Variants in BANK1 observed in about 807,000 individuals in gnomAD.
The protein encoded by BANK1 is B cell scaffold protein with ankyrin repeats 1.
BANK1 carries 95 observed loss-of-function variants against 94.5 expected under a neutral mutation model. That is an observed-to-expected ratio of 1.00 (90% CI 0.85 to 1.19). The LOEUF is 1.19. Among genes scored for constraint, BANK1 ranks in the 50% most tolerant of loss-of-function variants. BANK1 has a pLI of 0.00. For synonymous variants in BANK1, 334 were observed against 308.4 expected (o/e 1.08, Z -0.87); for missense variants, 987 against 932.2 (o/e 1.06, Z -0.77).
chr4:102,063,129 A>T lies in BANK1; in HGVS notation c.2203A>T (p.Asn735Tyr). 4.3e-6 allele frequency: 7 copies of T among 1,612,670 alleles called. No homozygotes were observed. Among genetic ancestry groups the T allele is most frequent in the Non-Finnish European group, 5.9e-6 (7 of 1,178,806 alleles). Residue 735 changes from asparagine (N) to tyrosine (Y), a missense_variant, in exon 13 of 17, where the codon AAT becomes TAT. Physicochemically the swap from Asn to Tyr is moderately radical, Grantham distance 143. Transcript: ENST00000322953. ...CIIGKRPEEE[N>Y]VYNKLTIVHH... ...TATTGGGAAAAGGCCAGAAGAAGAA[A>T]ATGTCTATAGTAAGTAAGATTCGCC...
At chr4:102,063,837 A>C (rs1295689126) in intron 13 of BANK1, among the ~76,000 whole-genome samples, 2 of 151,162 alleles carry the variant, frequency 1.3e-5, no homozygotes, top group Non-Finnish European at 3.0e-5. Context: ...AAAAAAAAAG[A>C]AATGAAATGA....
chr4:101,936,353 A>G (rs1039110845), intron 7 of BANK1, among the ~76,000 whole-genome samples: 14 of 150,190 alleles, frequency 9.3e-5, no homozygotes, highest in African/African-American at 3.4e-4. Context: ...ATATACATGT[A>G]TACATACATG....
intron 1 of BANK1, among the ~76,000 whole-genome samples, chr4:101,826,174 T>C (rs1382428632): frequency 1.3e-5 from 2 of 152,070 alleles, no homozygotes; most frequent in Non-Finnish European, 2.9e-5. Flanking sequence ...CCAGTAAGCC[T>C]TCACATACTG....
intron 7 of BANK1, among the ~76,000 whole-genome samples, chr4:101,951,825 T>A (rs1191852054): frequency 6.6e-6 from 1 of 151,832 alleles, no homozygotes; most frequent in Non-Finnish European, 1.5e-5. Context: ...ATTTTGATTT[T>A]TAGTTTTTAT....
At position 102,030,146 on chromosome 4, in the gene BANK1, A is replaced by G; in HGVS notation, c.1781A>G (p.Asn594Ser). Residue 594 changes from asparagine (N) to serine (S), a missense_variant, in exon 10 of 17, where the codon AAT becomes AGT. Transcript: ENST00000322953. ...DDSEYDMILA[N>S]LSIKKKTGSR... The stretch of plus-strand genomic sequence containing the variant: ...AGTGAATATGACATGATATTGGCCA[A>G]TCTGAGTATAAAGAAAAAAACTGGG... 1 of 1,614,112 alleles carries G rather than the reference A, an allele frequency of 6.2e-7. No individual in the cohort carries two copies. The highest frequency in any genetic ancestry group is 1.3e-5 in the African/African-American group (1 of 75,034).
intron 11 of BANK1, among the ~76,000 whole-genome samples, chr4:102,058,714 AG>A (rs1470516208): frequency 6.6e-6 from 1 of 151,538 alleles, no homozygotes; most frequent in Admixed American, 6.6e-5. Context: ...AAAAAAAAAA[AG>A]GTAAAAGCAG....
chr4:101,851,715 A>G (rs1052079256), intron 2 of BANK1, among the ~76,000 whole-genome samples: 1 of 152,186 alleles, frequency 6.6e-6, no homozygotes, highest in Non-Finnish European at 1.5e-5. Context: ...CCCTTCTCTT[A>G]TCAGTTTTTC....
chr4:101,883,347 AC>A (rs1382319819), intron 5 of BANK1, among the ~76,000 whole-genome samples: 1 of 152,230 alleles, frequency 6.6e-6, no homozygotes, highest in African/African-American at 2.4e-5. Flanking sequence ...ATTTCTGAGT[AC>A]AATTACTTAG....
chr4:102,047,354 G>A (rs914676036), intron 11 of BANK1, among the ~76,000 whole-genome samples: 1 of 152,090 alleles, frequency 6.6e-6, no homozygotes, highest in African/African-American at 2.4e-5. Context: ...TACACTGCTT[G>A]TAAATTTACA....
At chr4:101,874,670 T>A (rs1401926439) in intron 5 of BANK1, among the ~76,000 whole-genome samples, 1 of 152,194 alleles carries the variant, frequency 6.6e-6, no homozygotes, top group African/African-American at 2.4e-5. Context: ...TTTTCCAGAA[T>A]CAACTCCTTT....
chr4:102,015,255 C>A (rs1162103740), intron 7 of BANK1, among the ~76,000 whole-genome samples: 1 of 151,888 alleles, frequency 6.6e-6, no homozygotes, highest in Non-Finnish European at 1.5e-5. Context: ...TCAGTTTCTT[C>A]TATCTATGCT....
At chr4:102,042,673 C>G (rs1727739597) in intron 10 of BANK1, among the ~76,000 whole-genome samples, 2 of 151,944 alleles carry the variant, frequency 1.3e-5, no homozygotes, top group African/African-American at 4.8e-5. Context: ...ATGTTTCTGC[C>G]AATCACAGTG....
chr4:101,993,524 A>G (rs1725777623), intron 7 of BANK1, among the ~76,000 whole-genome samples: 1 of 152,312 alleles, frequency 6.6e-6, no homozygotes, highest in South Asian at 2.1e-4. Context: ...ATTTTTAAAT[A>G]CATTGCCAAA....
intron 7 of BANK1, among the ~76,000 whole-genome samples, chr4:101,945,838 T>A (rs1723908206): frequency 6.6e-6 from 1 of 151,906 alleles, no homozygotes; most frequent in African/African-American, 2.4e-5. Context: ...GAAACACCAA[T>A]GACATCAGGA....
Position 101,829,951 on chromosome 4 carries a change from T to G in BANK1, c.214T>G (p.Leu72Val). The change falls in exon 2 of 17, where the codon TTG becomes GTG. Residue 72 changes from leucine (L) to valine (V), a missense_variant. Transcript: ENST00000322953. Reference protein sequence around the residue: ...LENFSFRHLELLNLTSYKCKL... With the variant: ...LENFSFRHLEVLNLTSYKCKL... ...GAATTTCTCTTTTCGGCATTTGGAG[T>G]TGCTGAACTTAACGTCTTACAAATG... The G allele has an allele frequency of 6.2e-7, 1 of 1,613,948 alleles. No homozygotes were observed. Among genetic ancestry groups the G allele is most frequent in the Non-Finnish European group, 8.5e-7 (1 of 1,179,932 alleles).
At chr4:101,826,543 A>G (rs952318379) in intron 1 of BANK1, among the ~76,000 whole-genome samples, 4 of 152,000 alleles carry the variant, frequency 2.6e-5, no homozygotes, top group African/African-American at 9.7e-5. Context: ...AGACCAGCTT[A>G]TTCTGGCTAT....
chr4:101,989,738 A>G (rs1312583501), intron 7 of BANK1, among the ~76,000 whole-genome samples: 1 of 151,914 alleles, frequency 6.6e-6, no homozygotes, highest in Non-Finnish European at 1.5e-5. Flanking sequence ...CATTTTCCTC[A>G]TGATTAAATC....
At chr4:102,033,182 C>T (rs1727388492) in intron 10 of BANK1, among the ~76,000 whole-genome samples, 1 of 152,180 alleles carries the variant, frequency 6.6e-6, no homozygotes, top group Non-Finnish European at 1.5e-5. Context: ...AACTTGTTCT[C>T]CCTGTTTTCC....
chr4:101,912,637 T>C (rs1390743990), intron 6 of BANK1, among the ~76,000 whole-genome samples: 1 of 148,260 alleles, frequency 6.7e-6, no homozygotes, highest in Non-Finnish European at 1.5e-5. Flanking sequence ...TTAATAAATA[T>C]ATAAATAAAT....
Sources: gnomAD v4.1 joint callset for allele counts (sites outside exome capture counted in the v4.1 genomes callset) on GRCh38, gnomAD v4.1.1 for gene constraint, MANE v1.5 for transcripts, NCBI Gene and HGNC (gene_info 2026-07-23, HGNC 2026-07-21) for gene names.